TRAK2: variants seen among roughly 807,000 people sequenced by gnomAD.
TRAK2 encodes the protein trafficking kinesin protein 2.
In TRAK2, 81 loss-of-function variants were observed where a neutral mutation model predicts 104.6. The ratio of observed to expected loss-of-function variants is 0.77; its 90% CI spans 0.65 to 0.93. TRAK2 has a LOEUF of 0.93. TRAK2 is among the 40% of genes least tolerant of loss of function. The probability of loss-of-function intolerance (pLI) is 0.00; values close to 1 mark genes in which losing one functional copy is unlikely to be tolerated. For missense variants in TRAK2, 1,002 were observed against 1,089.0 expected (o/e 0.92, Z 1.12); for synonymous variants, 406 against 394.4 (o/e 1.03, Z -0.35).
chr2:201,442,685 CCT>C (rs1056844240), intron 1 of TRAK2, among the ~76,000 whole-genome samples: 2 of 152,142 alleles, frequency 1.3e-5, no homozygotes, highest in Admixed American at 6.5e-5. Flanking sequence ...TATCTCTGAC[CCT>C]CTATCTGTTC....
Position 201,447,588 on chromosome 2 carries a change from T to C in TRAK2, c.-200+3762A>G, listed in dbSNP as rs561473716. ...ATCCTCACATGGTCTTTCCTTTGTGTGTGCAACTCCTGTGTCTCTTTTTGT... is the reference window on the plus strand; with the variant it reads ...ATCCTCACATGGTCTTTCCTTTGTGCGTGCAACTCCTGTGTCTCTTTTTGT... On this transcript the variant is annotated intron_variant, in intron 1 of 15. Transcript: ENST00000332624. This position sits in a 1 kb window ranked among gnomAD's most constrained non-coding sequence, Gnocchi z 4.1. 6.6e-6 allele frequency among the ~76,000 whole-genome samples: 1 copy of C among 152,306 alleles called. No homozygotes were observed. The highest frequency in any genetic ancestry group is 1.5e-5 in the Non-Finnish European group (1 of 68,020).
At chr2:201,410,660 ATTGTCCTATCATG>A in intron 2 of TRAK2, 1 of 1,307,306 alleles carries the variant, frequency 7.6e-7, no homozygotes, top group Non-Finnish European at 1.1e-6. Flanking sequence ...CCAAAGGCAG[ATTGTCCTATCATG>A]TTCATCTGTG....
At chr2:201,421,653 C>CA (rs994710644) in intron 1 of TRAK2, among the ~76,000 whole-genome samples, 10 of 150,846 alleles carry the variant, frequency 6.6e-5, no homozygotes, top group Admixed American at 3.3e-4. Flanking sequence ...AAAATATAAA[C>CA]AAAAAAAAAG....
At chr2:201,402,111 G>T (rs1295337110) in intron 3 of TRAK2, among the ~76,000 whole-genome samples, 1 of 152,030 alleles carries the variant, frequency 6.6e-6, no homozygotes, top group Non-Finnish European at 1.5e-5. Context: ...GATCAAACAT[G>T]ATAATCTACT....
chr2:201,390,515 G>A (rs1951437062), intron 10 of TRAK2, among the ~76,000 whole-genome samples: 2 of 138,802 alleles, frequency 1.4e-5, no homozygotes, highest in Non-Finnish European at 1.5e-5. Context: ...AGTGAGCTGA[G>A]ATCGCACCAC....
intron 2 of TRAK2, among the ~76,000 whole-genome samples, chr2:201,408,302 T>C (rs1043454525): frequency 1.3e-5 from 2 of 152,158 alleles, no homozygotes; most frequent in African/African-American, 2.4e-5. Flanking sequence ...CTATGCTTTT[T>C]TTAATTTTTA....
At chr2:201,423,442 G>A (rs1951760328) in intron 1 of TRAK2, 1 of 152,096 alleles carries the variant, frequency 6.6e-6, no homozygotes, top group African/African-American at 2.4e-5. Flanking sequence ...CTAGGGAGAG[G>A]GGAGAATAGG....
At chr2:201,429,502 T>A (rs1951822102) in intron 1 of TRAK2, among the ~76,000 whole-genome samples, 1 of 152,358 alleles carries the variant, frequency 6.6e-6, no homozygotes, top group Middle Eastern at 3.4e-3. Flanking sequence ...GGTACACCAA[T>A]CACACGTAGA....
At chr2:201,411,631 G>C (rs1352382072) in intron 2 of TRAK2, 1 of 804,504 alleles carries the variant, frequency 1.2e-6, no homozygotes, top group Non-Finnish European at 2.2e-6. Context: ...TTTCCAGTCA[G>C]CTGCTCTTTG....
intron 8 of TRAK2, 193 bp from the exon 9 acceptor site, chr2:201,395,065 A>G (rs1166999890): frequency 1.6e-6 from 1 of 619,566 alleles, no homozygotes; most frequent in Non-Finnish European, 2.8e-6. Flanking sequence ...GACAATGGGC[A>G]TGAGTCAATA....
At position 201,381,165 on chromosome 2, in the gene TRAK2, G is replaced by A. The variant is rs760400204; in HGVS notation, c.2123C>T (p.Thr708Met). ...CGSSGSSSSN[T>M]AVNSPALSYR... ...GGACAAGGCAGGAGAATTCACAGCC[G>A]TGTTGGATGAACTGCTACCGCTACT... The change falls in exon 16 of 16, where the codon ACG becomes ATG. Residue 708 changes from threonine to methionine, a missense_variant. By Grantham distance (81) the Thr-to-Met change is moderately conservative. Coordinates refer to ENST00000332624, the MANE Select transcript of TRAK2 (RefSeq NM_015049.3). 3.1e-6 allele frequency: 5 copies of A among 1,613,740 alleles called. No individual in the cohort carries two copies. The Admixed American group carries it at 5.0e-5, about 16-fold the overall frequency.
At chr2:201,386,531 C>T (rs1479568571) in intron 13 of TRAK2, 47 bp from the exon 14 acceptor site, 17 of 1,596,898 alleles carry the variant, frequency 1.1e-5, no homozygotes, top group South Asian at 2.2e-5. Context: ...TTTACATTTC[C>T]CACAAATCTT....
intron 1 of TRAK2, among the ~76,000 whole-genome samples, chr2:201,424,770 T>A (rs1241952034): frequency 6.7e-6 from 1 of 148,978 alleles, no homozygotes; most frequent in African/African-American, 2.5e-5. Context: ...GCCTGGCTAA[T>A]TTTTTTTGTA....
At position 201,377,476 on chromosome 2, in the gene TRAK2, G is replaced by C. The variant is rs768413184; in HGVS notation, c.*3067C>G. The C allele has an allele frequency of 2.0e-5, 3 of 152,198 alleles. No homozygotes were observed. Among genetic ancestry groups the C allele is most frequent in the Non-Finnish European group, 4.4e-5 (3 of 68,040 alleles). 9.4% of individuals were successfully genotyped at this position (152,198 alleles called of 1,614,324 possible). A position where few individuals can be genotyped will look rare whatever the true frequency, so the allele number is the denominator to read the frequency against. The stretch of plus-strand genomic sequence containing the variant: ...AGAAGTGGCCCACTAAACACTAAGA[G>C]CCCTAGTTCTAGATGTCACAAGTTG... On this transcript the variant is annotated 3_prime_UTR_variant, in exon 16 of 16. Coordinates refer to ENST00000332624, the MANE Select transcript of TRAK2 (RefSeq NM_015049.3).
chr2:201,408,452 A>AT (rs1951615848), intron 2 of TRAK2, among the ~76,000 whole-genome samples: 1 of 151,774 alleles, frequency 6.6e-6, no homozygotes, highest in South Asian at 2.1e-4. Context: ...TCCAACAGTT[A>AT]TTTTTTCTGA....
chr2:201,417,241 C>CAAAAAAAAAAAAAAAAAAAAAAAAAAA (rs61702415), intron 2 of TRAK2, among the ~76,000 whole-genome samples: 8 of 88,416 alleles, frequency 9.0e-5, no homozygotes, highest in South Asian at 4.4e-4. Flanking sequence ...GAAGACATTG[C>CAAAAAAAAAAAAAAAAAAAAAAAAAAA]AAAAAAAAAA....
rs1358144010 is a variant in TRAK2 at position 201,397,634 on chromosome 2, A to G, written c.691-54T>C. ...TACCTTCTAGTGATTTTATAGAAAT[A>G]ACTACAAAAACCTTTAATTCTCATT... is the stretch of plus-strand genomic sequence containing the variant. On this transcript the variant is annotated intron_variant, in intron 6 of 15. Coordinates refer to ENST00000332624, the MANE Select transcript of TRAK2 (RefSeq NM_015049.3). The G allele has an allele frequency of 2.0e-5, 25 of 1,253,694 alleles. 1 individual carries two copies. In the South Asian group the frequency reaches 2.8e-4, roughly 14 times the overall value. 77.7% of individuals were successfully genotyped at this position (1,253,694 alleles called of 1,614,324 possible). A position where few individuals can be genotyped will look rare whatever the true frequency, so the allele number is the denominator to read the frequency against.
intron 1 of TRAK2, among the ~76,000 whole-genome samples, chr2:201,446,424 T>C (rs1475219093): frequency 1.3e-5 from 2 of 152,224 alleles, no homozygotes; most frequent in African/African-American, 4.8e-5. Context: ...GAAGGAGGTA[T>C]TGCCTCCGAA....
At chr2:201,390,391 A>C (rs2349081) in intron 10 of TRAK2, among the ~76,000 whole-genome samples, 1 of 142,178 alleles carries the variant, frequency 7.0e-6, no homozygotes, top group Non-Finnish European at 1.5e-5. Flanking sequence ...AAAAATACAA[A>C]AAAATACAAA....
Sources: allele counts gnomAD v4.1 joint callset (sites outside exome capture counted in the v4.1 genomes callset), GRCh38; gene constraint gnomAD v4.1.1; non-coding constraint Gnocchi (gnomAD v3.1); transcripts MANE v1.5; gene names NCBI Gene and HGNC (gene_info 2026-07-23, HGNC 2026-07-21).